SLAIN2: variants seen among roughly 807,000 people sequenced by gnomAD.
The protein encoded by SLAIN2 is SLAIN family member 2.
SLAIN2 carries 31 observed loss-of-function variants against 56.6 expected under a neutral mutation model. That is an observed-to-expected ratio of 0.55 (90% CI 0.41 to 0.74). The LOEUF (loss-of-function observed/expected upper bound fraction) is 0.74, where lower values mean the gene tolerates loss of function less well. Ranked by LOEUF, SLAIN2 falls within the 30% of genes least tolerant of loss-of-function variation. SLAIN2 has a pLI of 0.00. For missense variants in SLAIN2, 777 were observed against 754.2 expected, an observed-to-expected ratio of 1.03 and a Z score of -0.35; for synonymous variants, 317 against 284.9, an observed-to-expected ratio of 1.11 and a Z score of -1.13.
At chr4:48,365,724 G>A (rs1715502866) in intron 1 of SLAIN2, among the ~76,000 whole-genome samples, 2 of 151,844 alleles carry the variant, frequency 1.3e-5, no homozygotes, top group African/African-American at 2.4e-5. Flanking sequence ...ACCACACTCC[G>A]CTAATTTTTG....
chr4:48,383,532 C>A, intron 5 of SLAIN2, 115 bp from the exon 6 acceptor site: 13 of 957,272 alleles, frequency 1.4e-5, no homozygotes, highest in Admixed American at 3.1e-5. Context: ...TGTATTTTCT[C>A]ATCTAAAATA....
At chr4:48,405,633 AGTG>A (rs1229874477) in intron 6 of SLAIN2, among the ~76,000 whole-genome samples, 1 of 151,698 alleles carries the variant, frequency 6.6e-6, no homozygotes, top group Non-Finnish European at 1.5e-5. Flanking sequence ...CATAGGTAGT[AGTG>A]CTTCTTTATC....
rs373268381 is a variant in SLAIN2, at chr4:48,392,350, A to AT, written c.1360+8567dup. On this transcript the variant is annotated intron_variant, in intron 6 of 7. Coordinates refer to ENST00000264313, the MANE Select transcript of SLAIN2 (RefSeq NM_020846.2). ...TACAATCACATGTGAAACTTGAGGG[A>AT]TAAATAGGGGTGGGGTCCATTGGAG... Among the ~76,000 whole-genome samples the AT allele has an allele frequency of 1.9e-3, 291 of 152,310 alleles. 3 individuals are homozygous for AT. The highest frequency in any genetic ancestry group is 6.0e-3 in the African/African-American group (250 of 41,556).
intron 6 of SLAIN2, 169 bp downstream of exon 6, chr4:48,383,953 T>A: frequency 1.5e-6 from 1 of 657,470 alleles, no homozygotes; most frequent in East Asian, 2.8e-5. Flanking sequence ...CAAAGTTATA[T>A]TACAATTTAA....
rs143452935 is a variant in SLAIN2, at chr4:48,387,801, AATAT to A, written c.1360+4022_1360+4025del. Among the ~76,000 whole-genome samples the A allele has an allele frequency of 2.6e-3, 402 of 152,206 alleles. 2 individuals are homozygous for A. The highest frequency in any genetic ancestry group is 7.9e-3 in the African/African-American group (327 of 41,570). On this transcript the variant is annotated intron_variant, in intron 6 of 7. Transcript: ENST00000264313. ...ATTTCATATATATTTGATACATGAA[AATAT>A]ATATGTAAGCATTTTTTAAATTAGT...
In SLAIN2 at chr4:48,374,508, A is replaced by G. The variant is rs1217083545; in HGVS notation, c.539-3388A>G. Among the ~76,000 whole-genome samples, 4 of 152,110 alleles carry G rather than the reference A, an allele frequency of 2.6e-5. No homozygotes were observed. In the East Asian group the frequency reaches 7.7e-4, roughly 29 times the overall value. On this transcript the variant is annotated intron_variant, in intron 2 of 7. Transcript: ENST00000264313. ...ACCTGCCTTGGCCTCCCAAAGTGCT[A>G]GGATTAAAGGTGTGAGCCACTGCAA...
Position 48,422,776 on chromosome 4 carries a change from T to C in SLAIN2, c.*699T>C, listed in dbSNP as rs1717193853. ...ACAGCATGTATCCATCATGTTGCAT[T>C]GACACATCAAACTTGTGTGTGTTTG... On this transcript the variant is annotated 3_prime_UTR_variant, in exon 8 of 8. Coordinates refer to ENST00000264313, the MANE Select transcript of SLAIN2 (RefSeq NM_020846.2). 1 of 152,234 alleles carries C rather than the reference T, an allele frequency of 6.6e-6. No homozygotes were observed. Among genetic ancestry groups the C allele is most frequent in the African/African-American group, 2.4e-5 (1 of 41,466 alleles). 9.4% of individuals were successfully genotyped at this position (152,234 alleles called of 1,614,324 possible).
chr4:48,354,001 TG>T (rs1197730544), intron 1 of SLAIN2, among the ~76,000 whole-genome samples: 1 of 152,166 alleles, frequency 6.6e-6, no homozygotes, highest in Non-Finnish European at 1.5e-5. Context: ...TGAGGGTTTT[TG>T]GGGGGATGTC....
At chr4:48,358,608 G>A (rs10003230) in intron 1 of SLAIN2, among the ~76,000 whole-genome samples, 80,440 of 151,978 alleles carry the variant, frequency 0.53, 22,349 homozygotes, top group South Asian at 0.69. Context: ...GAGCCACTGC[G>A]CGCGGCCCAA....
At chr4:48,413,858 GGATATATTTTT>G in intron 6 of SLAIN2, among the ~76,000 whole-genome samples, 1 of 152,092 alleles carries the variant, frequency 6.6e-6, no homozygotes. Flanking sequence ...GGTACATGTT[GGATATATTTTT>G]ATAAAACATT....
At chr4:48,351,786 T>C (rs967866030) in intron 1 of SLAIN2, among the ~76,000 whole-genome samples, 3 of 152,250 alleles carry the variant, frequency 2.0e-5, no homozygotes, top group Non-Finnish European at 4.4e-5. Flanking sequence ...GTTTAGAGTT[T>C]GGTTAGGAGA....
At chr4:48,381,805 C>G (rs986288993) in intron 4 of SLAIN2, among the ~76,000 whole-genome samples, 2 of 152,108 alleles carry the variant, frequency 1.3e-5, no homozygotes, top group African/African-American at 4.8e-5. Context: ...AGAATATTAC[C>G]TAAATTCTAT....
intron 6 of SLAIN2, among the ~76,000 whole-genome samples, chr4:48,395,810 C>CTTTTTTTTT (rs10649464): frequency 0.012 from 847 of 72,652 alleles, 41 homozygotes; most frequent in African/African-American, 0.032. Flanking sequence ...GAACCTTAGG[C>CTTTTTTTTT]TTTTTTTTTT....
At chr4:48,385,343 G>C (rs933988480) in intron 6 of SLAIN2, among the ~76,000 whole-genome samples, 11 of 152,122 alleles carry the variant, frequency 7.2e-5, no homozygotes, top group African/African-American at 2.7e-4. Context: ...CATCAGTCCC[G>C]TATATGAGCT....
chr4:48,422,117 A>C lies in SLAIN2; in HGVS notation c.*40A>C, dbSNP rs1295255771. On this transcript the variant is annotated 3_prime_UTR_variant, in exon 8 of 8. Transcript: ENST00000264313. Reference sequence around the variant, plus strand: ...AATGCAGAAGTCCACGGCTTCATGGATACCCTTCACCAGGCTAAAAAACAA... The same window carrying C: ...AATGCAGAAGTCCACGGCTTCATGGCTACCCTTCACCAGGCTAAAAAACAA... 3.2e-6 allele frequency: 5 copies of C among 1,553,946 alleles called. No individual in the cohort carries two copies. The highest frequency in any genetic ancestry group is 1.7e-4 in the Middle Eastern group (1 of 5,946).
intron 4 of SLAIN2, 99 bp from the exon 5 acceptor site, chr4:48,382,469 C>T (rs1430847226): frequency 8.1e-7 from 1 of 1,237,854 alleles, no homozygotes; most frequent in South Asian, 2.1e-5. Context: ...CACTTTACAC[C>T]CTCTTTGAAT....
intron 6 of SLAIN2, among the ~76,000 whole-genome samples, chr4:48,417,918 A>G (rs1430007455): frequency 6.6e-6 from 1 of 152,208 alleles, no homozygotes; most frequent in Non-Finnish European, 1.5e-5. Flanking sequence ...TTGCTGGCAT[A>G]TAGAAACATA....
rs1414447502 is a variant in SLAIN2, at chr4:48,423,046, G to C, written c.*969G>C. On this transcript the variant is annotated 3_prime_UTR_variant, in exon 8 of 8. Coordinates refer to ENST00000264313, the MANE Select transcript of SLAIN2 (RefSeq NM_020846.2). ...AACCTGGAACAAAACCATACCATGAGAGAGAGGGGGAAAAAAATCTATGCA... is the reference window on the plus strand; with the variant it reads ...AACCTGGAACAAAACCATACCATGACAGAGAGGGGGAAAAAAATCTATGCA... 1 of 152,118 alleles carries C rather than the reference G, an allele frequency of 6.6e-6. No homozygotes were observed. The highest frequency in any genetic ancestry group is 2.4e-5 in the African/African-American group (1 of 41,402). 9.4% of individuals were successfully genotyped at this position (152,118 alleles called of 1,614,324 possible).
intron 6 of SLAIN2, among the ~76,000 whole-genome samples, chr4:48,395,764 G>T (rs114124614): frequency 1.4e-5 from 2 of 142,194 alleles, no homozygotes; most frequent in South Asian, 2.3e-4. Flanking sequence ...CTTAATAGGG[G>T]TTATTATAGA....
Sources: allele counts gnomAD v4.1 joint callset (sites outside exome capture counted in the v4.1 genomes callset), GRCh38; gene constraint gnomAD v4.1.1; transcripts MANE v1.5; gene names NCBI Gene and HGNC (gene_info 2026-07-23, HGNC 2026-07-21).